Variants in ASIC2 observed in about 807,000 individuals in gnomAD.
The protein encoded by ASIC2 is acid sensing ion channel subunit 2.
In ASIC2, 25 loss-of-function variants were observed where a neutral mutation model predicts 57.3. The observed-to-expected ratio is 0.44, with a 90% CI of 0.32 to 0.61. The LOEUF (loss-of-function observed/expected upper bound fraction) is 0.61, where lower values mean the gene tolerates loss of function less well. Among genes scored for constraint, ASIC2 ranks in the 20% least tolerant of loss-of-function variants. The pLI is 0.06. For synonymous variants in ASIC2, 319 were observed against 307.5 expected, an observed-to-expected ratio of 1.04 and a Z score of -0.39; for missense variants, 641 against 738.1, an observed-to-expected ratio of 0.87 and a Z score of 1.52.
At chr17:33,319,827 C>T (rs1906800296) in intron 1 of ASIC2, among the ~76,000 whole-genome samples, 3 of 152,200 alleles carry the variant, frequency 2.0e-5, no homozygotes, top group Admixed American at 6.5e-5. Flanking sequence ...AGCCACTGTG[C>T]CTGGTCTCCA....
chr17:34,099,430 A>T (rs962323767), intron 1 of ASIC2, among the ~76,000 whole-genome samples: 1 of 136,246 alleles, frequency 7.3e-6, no homozygotes, highest in Non-Finnish European at 1.6e-5. Flanking sequence ...AATGAAAGAA[A>T]GAAGAAAAGA....
intron 1 of ASIC2, among the ~76,000 whole-genome samples, chr17:33,409,622 G>A (rs998843522): frequency 3.9e-5 from 6 of 152,196 alleles, no homozygotes; most frequent in Admixed American, 6.5e-5. Context: ...AAATAGAATC[G>A]TGGTTAGGAG....
In ASIC2 at chr17:34,065,485, C is replaced by G. The variant is rs1909136966; in HGVS notation, c.555+90493G>C. 2.0e-5 allele frequency among the ~76,000 whole-genome samples: 3 copies of G among 152,174 alleles called. No homozygotes were observed. The South Asian group carries it at 6.2e-4, about 32-fold the overall frequency. On this transcript the variant is annotated intron_variant, in intron 1 of 9. Transcript: ENST00000359872. ...ACTTACTCATGTAACCAAATACCAC[C>G]TGTACCCCAATAACTTGTGGAAAAA...
At chr17:34,032,980 C>A (rs1034240591) in intron 1 of ASIC2, among the ~76,000 whole-genome samples, 8 of 152,104 alleles carry the variant, frequency 5.3e-5, no homozygotes, top group Non-Finnish European at 1.2e-4. Flanking sequence ...ACAAGGATAT[C>A]CAGGAATTGA....
At chr17:33,651,495 G>A (rs900818799) in intron 1 of ASIC2, among the ~76,000 whole-genome samples, 2 of 152,156 alleles carry the variant, frequency 1.3e-5, no homozygotes, top group Non-Finnish European at 2.9e-5. Context: ...GCTGCCCTGC[G>A]AGTGCTGTCA....
At chr17:33,922,893 G>T (rs900835033) in intron 1 of ASIC2, among the ~76,000 whole-genome samples, 1 of 152,146 alleles carries the variant, frequency 6.6e-6, no homozygotes, top group Admixed American at 6.5e-5. Flanking sequence ...TCAGCTGGCT[G>T]GGGATCTCTT....
chr17:33,708,189 A>T (rs1908918988), intron 1 of ASIC2, among the ~76,000 whole-genome samples: 1 of 152,132 alleles, frequency 6.6e-6, no homozygotes, highest in Non-Finnish European at 1.5e-5. Context: ...CTCCATCCAC[A>T]CCTTAATTTT....
intron 1 of ASIC2, among the ~76,000 whole-genome samples, chr17:33,996,946 T>C (rs1398692275): frequency 6.6e-6 from 1 of 152,202 alleles, no homozygotes; most frequent in Non-Finnish European, 1.5e-5. Context: ...TCACTTTGGA[T>C]AGCATGGGCA....
At chr17:33,217,417 C>T (rs550931349) in intron 1 of ASIC2, among the ~76,000 whole-genome samples, 12 of 152,324 alleles carry the variant, frequency 7.9e-5, no homozygotes, top group South Asian at 2.1e-4. Flanking sequence ...CACACACGCA[C>T]GTACTCATTT....
intron 1 of ASIC2, among the ~76,000 whole-genome samples, chr17:34,041,949 A>G (rs542541736): frequency 6.6e-6 from 1 of 152,222 alleles, no homozygotes; most frequent in Admixed American, 6.5e-5. Context: ...CCCAACAGAA[A>G]TATGTCCATA....
intron 1 of ASIC2, among the ~76,000 whole-genome samples, chr17:33,766,098 C>A (rs910687928): frequency 6.6e-5 from 10 of 152,268 alleles, no homozygotes; most frequent in African/African-American, 2.4e-4. Flanking sequence ...TGGTTACCCA[C>A]GGTCAACCAC....
chr17:33,360,521 C>T (rs1332336857), intron 1 of ASIC2, among the ~76,000 whole-genome samples: 1 of 152,214 alleles, frequency 6.6e-6, no homozygotes, highest in Admixed American at 6.5e-5. Flanking sequence ...TCCTCCCTGC[C>T]TCTGGATAAA....
Position 33,963,363 on chromosome 17 carries a change from C to T in ASIC2, c.555+192615G>A, listed in dbSNP as rs1002189887. On this transcript the variant is annotated intron_variant, in intron 1 of 9. Coordinates refer to the ASIC2 transcript ENST00000359872. ...GCACAGAACCAAGTATTCACATTTT[C>T]GTTTCTGCCCCATGCTATTTCCCCA... Among the ~76,000 whole-genome samples, 7 of 152,176 alleles carry T rather than the reference C, an allele frequency of 4.6e-5. No individual in the cohort carries two copies. In the East Asian group the frequency reaches 1.2e-3, roughly 25 times the overall value.
intron 1 of ASIC2, among the ~76,000 whole-genome samples, chr17:33,462,432 G>A (rs1912670610): frequency 6.6e-6 from 1 of 152,166 alleles, no homozygotes; most frequent in African/African-American, 2.4e-5. Flanking sequence ...AGGTGGAGGT[G>A]ATCTGACTCT....
chr17:33,529,442 AGCTTGTCAGAACT>A (rs1223182559), intron 1 of ASIC2, among the ~76,000 whole-genome samples: 1 of 152,194 alleles, frequency 6.6e-6, no homozygotes, highest in Non-Finnish European at 1.5e-5. Context: ...ATCACCTGGG[AGCTTGTCAGAACT>A]GCAGAATCTC....
At chr17:33,445,446 T>A (rs536777306) in intron 1 of ASIC2, among the ~76,000 whole-genome samples, 107 of 151,704 alleles carry the variant, frequency 7.1e-4, no homozygotes, top group Non-Finnish European at 1.3e-3. Flanking sequence ...TAAAATAAAT[T>A]AAAATAAATT....
intron 1 of ASIC2, among the ~76,000 whole-genome samples, chr17:34,040,794 G>A (rs1908101758): frequency 1.3e-5 from 2 of 152,134 alleles, no homozygotes; most frequent in South Asian, 4.1e-4. Context: ...TGAAGCAATA[G>A]TTAAGTTTGA....
intron 1 of ASIC2, among the ~76,000 whole-genome samples, chr17:33,756,639 C>T (rs922089383): frequency 1.3e-5 from 2 of 152,210 alleles, no homozygotes; most frequent in African/African-American, 4.8e-5. Flanking sequence ...CTGGGAAGGG[C>T]ACTTCCTGCC....
rs185508315 is a variant in ASIC2, at chr17:33,160,581, A to T, written c.709-48514T>A. ...GGAGATCATTCTGTCTTTGTTCTGC[A>T]TGGGCAGAGCCTCTCTCCCATTCCA... is the stretch of plus-strand genomic sequence containing the variant. On this transcript the variant is annotated intron_variant, in intron 1 of 9. Transcript: ENST00000225823. 2.7e-4 allele frequency among the ~76,000 whole-genome samples: 41 copies of T among 152,362 alleles called. 1 individual carries two copies. The East Asian group carries it at 7.9e-3, about 29-fold the overall frequency.
Sources: allele counts gnomAD v4.1 joint callset (sites outside exome capture counted in the v4.1 genomes callset), GRCh38; gene constraint gnomAD v4.1.1; transcripts MANE v1.5; gene names NCBI Gene and HGNC (gene_info 2026-07-23, HGNC 2026-07-21).